Variants in PCDHGB1 observed in about 807,000 individuals in gnomAD.
PCDHGB1 encodes the protein protocadherin gamma-B1.
In PCDHGB1, 34 loss-of-function variants were observed where a neutral mutation model predicts 56.6. The observed-to-expected ratio is 0.60, with a 90% confidence interval of 0.46 to 0.80. The LOEUF is 0.80. PCDHGB1 is among the 30% of genes least tolerant of loss of function. The pLI is 0.00. For synonymous variants in PCDHGB1, 561 were observed against 505.9 expected (o/e 1.11, Z -1.46); for missense variants, 1,278 against 1,204.6 (o/e 1.06, Z -0.90).
chr5:141,426,371 C>T (rs987346395), intron 1 of PCDHGB1: 4 of 217,048 alleles, frequency 1.8e-5, no homozygotes, highest in African/African-American at 9.0e-5. Context: ...TGCGGGGCAC[C>T]CTCGGAGCAG....
At chr5:141,460,983 G>GTGTA (rs1554142949) in intron 1 of PCDHGB1, among the ~76,000 whole-genome samples, 1,579 of 137,794 alleles carry the variant, frequency 0.011, 39 homozygotes, top group African/African-American at 0.038. Context: ...GTGTGTGTGT[G>GTGTA]TATATATATA....
At chr5:141,353,088 G>C (rs1588498543) in intron 1 of PCDHGB1, among the ~76,000 whole-genome samples, 1 of 152,128 alleles carries the variant, frequency 6.6e-6, no homozygotes, top group East Asian at 1.9e-4. Context: ...TCTACTGCGG[G>C]AGGGGGTACT....
chr5:141,375,065 C>A, intron 1 of PCDHGB1: 1 of 1,613,932 alleles, frequency 6.2e-7, no homozygotes, highest in Non-Finnish European at 8.5e-7. Flanking sequence ...GCCAGGTCTT[C>A]GAGACAGAGC....
intron 1 of PCDHGB1, chr5:141,361,170 T>C (rs1561522819): frequency 6.2e-7 from 1 of 1,613,976 alleles, no homozygotes; most frequent in Non-Finnish European, 8.5e-7. Flanking sequence ...ATTGTGCACC[T>C]GAAGTTATTG....
intron 1 of PCDHGB1, chr5:141,418,389 AT>A (rs1429903562): frequency 5.6e-6 from 9 of 1,613,878 alleles, no homozygotes; most frequent in Non-Finnish European, 6.8e-6. Flanking sequence ...CCTAACGAGT[AT>A]TTCTCATTGG....
chr5:141,366,087 A>G, intron 1 of PCDHGB1: 1 of 1,614,230 alleles, frequency 6.2e-7, no homozygotes, highest in Non-Finnish European at 8.5e-7. Flanking sequence ...GAACCTGGCT[A>G]CCTGGTGACC....
rs375537017 is a variant in PCDHGB1 at position 141,419,439 on chromosome 5, C to T, written c.2409+66770C>T. 22 of 1,613,154 alleles carry T rather than the reference C, an allele frequency of 1.4e-5. No individual in the cohort carries two copies. Among genetic ancestry groups the T allele is most frequent in the Non-Finnish European group, 1.7e-5 (20 of 1,179,788 alleles). On this transcript the variant is annotated intron_variant, in intron 1 of 3. Transcript: ENST00000523390. ...GCCTTCGACCACGAGCAGCTGCGCACCTTCGAGCTCACGCTGCAGGCCCGC... is the reference window on the plus strand; with the variant it reads ...GCCTTCGACCACGAGCAGCTGCGCATCTTCGAGCTCACGCTGCAGGCCCGC...
intron 2 of PCDHGB1, among the ~76,000 whole-genome samples, chr5:141,502,002 C>T (rs1434269040): frequency 1.3e-5 from 2 of 152,164 alleles, no homozygotes; most frequent in South Asian, 2.1e-4. Context: ...CCTGACAACC[C>T]GCATGCTCTC....
At chr5:141,441,494 ACCAGG>A (rs1325946941) in intron 1 of PCDHGB1, 1 of 170,360 alleles carries the variant, frequency 5.9e-6, no homozygotes, top group Non-Finnish European at 1.3e-5. Flanking sequence ...CTGGTTTTCT[ACCAGG>A]CCTCCTACGT....
chr5:141,360,681 GAAAC>G, intron 1 of PCDHGB1: 1 of 1,613,946 alleles, frequency 6.2e-7, no homozygotes, highest in Non-Finnish European at 8.5e-7. Flanking sequence ...ATCTCGCTGA[GAAAC>G]AGACTCCAGA....
At chr5:141,433,951 A>G (rs2097667078) in intron 1 of PCDHGB1, among the ~76,000 whole-genome samples, 1 of 152,032 alleles carries the variant, frequency 6.6e-6, no homozygotes, top group African/African-American at 2.4e-5. Context: ...TGTTTCTTCT[A>G]CAGTTGTTAA....
chr5:141,393,169 T>C lies in PCDHGB1; in HGVS notation c.2409+40500T>C, dbSNP rs113280752. 2,582 of 1,613,090 alleles carry C rather than the reference T, an allele frequency of 1.6e-3. 1 individual carries two copies. The highest frequency in any genetic ancestry group is 1.9e-3 in the Non-Finnish European group (2,191 of 1,179,870). On this transcript the variant is annotated intron_variant, in intron 1 of 3. Coordinates refer to ENST00000523390, the MANE Select transcript of PCDHGB1 (RefSeq NM_018922.3). ...GAGGATAAAGGAAAACTCTTTGGGGTAGAAATAGAAATAATTGATATTAAC... is the reference window on the plus strand; with the variant it reads ...GAGGATAAAGGAAAACTCTTTGGGGCAGAAATAGAAATAATTGATATTAAC...
At position 141,384,374 on chromosome 5, in the gene PCDHGB1, C is replaced by T; in HGVS notation, c.2409+31705C>T. 3.1e-6 allele frequency: 5 copies of T among 1,613,920 alleles called. No individual in the cohort carries two copies. In the South Asian group the frequency reaches 5.5e-5, roughly 18 times the overall value. ...AATGCCCAGATCACTTATTCCTTGG[C>T]CGAAGACACCATCCAGGGGGCTCCA... is the stretch of plus-strand genomic sequence containing the variant. On this transcript the variant is annotated intron_variant, in intron 1 of 3. Transcript: ENST00000523390.
At chr5:141,483,104 A>G (rs2099577128) in intron 1 of PCDHGB1, among the ~76,000 whole-genome samples, 1 of 152,140 alleles carries the variant, frequency 6.6e-6, no homozygotes, top group African/African-American at 2.4e-5. Flanking sequence ...GTGTGCGTGT[A>G]AAACAGACAG....
rs775489120 is a variant in PCDHGB1 at position 141,418,594 on chromosome 5, C to T, written c.2409+65925C>T. ...ACAACCCCCCAGTGTTCAGCCAGGA[C>T]GTGTACAGGGTTAGCCTTCGGGAAG... On this transcript the variant is annotated intron_variant, in intron 1 of 3. Coordinates refer to ENST00000523390, the MANE Select transcript of PCDHGB1 (RefSeq NM_018922.3). The T allele has an allele frequency of 3.1e-6, 5 of 1,614,022 alleles. No individual in the cohort carries two copies. In the Admixed American group the frequency reaches 8.3e-5, roughly 27 times the overall value.
intron 1 of PCDHGB1, chr5:141,362,564 T>C (rs754336087): frequency 6.2e-7 from 1 of 1,608,408 alleles, no homozygotes; most frequent in South Asian, 1.1e-5. Flanking sequence ...AAGGTGAGCT[T>C]TAATTAATTT....
chr5:141,414,868 G>C, intron 1 of PCDHGB1: 1 of 1,614,216 alleles, frequency 6.2e-7, no homozygotes, highest in Non-Finnish European at 8.5e-7. Flanking sequence ...CAATGCGCCC[G>C]AGATCCTGTA....
intron 1 of PCDHGB1, chr5:141,389,412 G>T (rs1039259671): frequency 5.6e-6 from 9 of 1,613,470 alleles, no homozygotes; most frequent in Non-Finnish European, 7.6e-6. Flanking sequence ...CGCGGAGAGC[G>T]GGGTGGTGTT....
intron 1 of PCDHGB1, among the ~76,000 whole-genome samples, chr5:141,401,288 G>A (rs973425272): frequency 1.3e-5 from 2 of 152,094 alleles, no homozygotes; most frequent in Non-Finnish European, 2.9e-5. Flanking sequence ...GTTGCGGTGA[G>A]CCGAGATCAC....
Sources: gnomAD v4.1 joint callset for allele counts (sites outside exome capture counted in the v4.1 genomes callset) on GRCh38, gnomAD v4.1.1 for gene constraint, MANE v1.5 for transcripts, NCBI Gene and HGNC (gene_info 2026-07-23, HGNC 2026-07-21) for gene names.